Variants in TLN1 observed in about 807,000 individuals in gnomAD.
TLN1 encodes talin 1, also known as talin-1.
A neutral mutation model predicts 292.3 loss-of-function variants in TLN1; 56 were observed. That is an observed-to-expected ratio of 0.19 (90% CI 0.15 to 0.24). TLN1 has a LOEUF of 0.24. Among genes scored for constraint, TLN1 ranks in the 10% least tolerant of loss-of-function variants. The pLI is 1.00. For synonymous variants in TLN1, 1,119 were observed against 1,253.7 expected, an observed-to-expected ratio of 0.89 and a Z score of 2.27; for missense variants, 2,433 against 3,248.2, an observed-to-expected ratio of 0.75 and a Z score of 6.10.
At position 35,704,362 on chromosome 9, in the gene TLN1, C is replaced by T. The variant is rs759087292; in HGVS notation, c.6017G>A (p.Arg2006His). Residue 2006 changes from arginine to histidine, a missense_variant, in exon 45 of 57, where the codon CGT becomes CAT. By Grantham distance (29) the Arg-to-His change is conservative. This residue lies in a region of TLN1 where 1,384 missense variants were observed against 1,699.6 expected (regional missense o/e 0.81). Coordinates refer to ENST00000314888, the MANE Select transcript of TLN1 (RefSeq NM_006289.4). The surrounding 1 kb of genome is among the most constrained non-coding windows in gnomAD (Gnocchi z 6.9). ...GTCAGCGAAAGTTTCAGTACCCTCA[C>T]GATTGAGCGTGCCAGCAGTGGCGAA... ...IMFATAGTLN[R>H]EGTETFADHR... 9.3e-6 allele frequency: 15 copies of T among 1,614,054 alleles called. No individual in the cohort carries two copies. The highest frequency in any genetic ancestry group is 5.0e-5 in the Admixed American group (3 of 60,016).
rs747581885 is a variant in TLN1, at chr9:35,705,679, A to T, written c.5614-9T>A. The T allele has an allele frequency of 4.3e-6, 7 of 1,612,676 alleles. No individual in the cohort carries two copies. In the Admixed American group the frequency reaches 1.2e-4, roughly 27 times the overall value. Reference sequence around the variant, plus strand: ...GTGTTTGACTTGGTAACCTGGTGATAATGGAACGAGTGAAGTTATATCCAA... The same window carrying T: ...GTGTTTGACTTGGTAACCTGGTGATTATGGAACGAGTGAAGTTATATCCAA... On this transcript the variant is annotated splice_polypyrimidine_tract_variant and intron_variant, in intron 42 of 56. Transcript: ENST00000314888.
chr9:35,704,795 G>T lies in TLN1; in HGVS notation c.5754C>A (p.His1918Gln). The T allele has an allele frequency of 1.2e-6, 2 of 1,614,056 alleles. No individual in the cohort carries two copies. Among genetic ancestry groups the T allele is most frequent in the Admixed American group, 1.7e-5 (1 of 59,996 alleles). The change falls in exon 44 of 57, where the codon CAC (histidine) becomes CAA (glutamine). Residue 1918 changes from histidine (H) to glutamine (Q), a missense_variant. Coordinates refer to ENST00000314888, the MANE Select transcript of TLN1 (RefSeq NM_006289.4). This position sits in a 1 kb window ranked among gnomAD's most constrained non-coding sequence, Gnocchi z 6.9. ...ENEEIGSHIKHRVQELGHGCA... is the reference protein window; with the variant it reads ...ENEEIGSHIKQRVQELGHGCA... ...AGCCATGGCCCAGCTCCTGTACCCG[G>T]TGTTTGATATGGGAACCTATCTGTG...
rs571010586 is a variant in TLN1 at position 35,725,943 on chromosome 9, C to T, written c.-33-216G>A. ...AATTTTTTTTTTTGAGACAGAGTTT[C>T]GTTCTGTTGCCCAGGCTAGAGTACA... On this transcript the variant is annotated intron_variant, in intron 1 of 56. Coordinates refer to ENST00000314888, the MANE Select transcript of TLN1 (RefSeq NM_006289.4). Among the ~76,000 whole-genome samples, 6 of 151,996 alleles carry T rather than the reference C, an allele frequency of 3.9e-5. No individual in the cohort carries two copies. In the South Asian group the frequency reaches 8.3e-4, roughly 21 times the overall value.
chr9:35,715,247 CCTCT>C, intron 20 of TLN1, 60 bp from the exon 21 acceptor site: 1 of 1,588,224 alleles, frequency 6.3e-7, no homozygotes, highest in South Asian at 1.1e-5. Context: ...TAAAGAAGCT[CCTCT>C]CTCACTCCTC....
In TLN1 at chr9:35,714,742, T is replaced by A. The variant is rs749869775; in HGVS notation, c.2871+18A>T. ...CAAGTCTCCCTCTTCCACTCCCACA[T>A]CCTTCCTAGAGTCTTACCTTGCAGC... On this transcript the variant is annotated intron_variant, in intron 22 of 56. Coordinates refer to ENST00000314888, the MANE Select transcript of TLN1 (RefSeq NM_006289.4). This position sits in a 1 kb window ranked among gnomAD's most constrained non-coding sequence, Gnocchi z 4.6. The A allele has an allele frequency of 8.1e-6, 13 of 1,608,706 alleles. No homozygotes were observed. The Admixed American group carries it at 2.2e-4, about 27-fold the overall frequency.
Position 35,724,872 on chromosome 9 carries a change from T to TA in TLN1, c.315dup (p.Lys106Ter). On this transcript the variant is annotated frameshift_variant, in exon 4 of 57. Transcript: ENST00000314888. LOFTEE classifies it high-confidence loss of function. This position sits in a 1 kb window ranked among gnomAD's most constrained non-coding sequence, Gnocchi z 4.7. Reference sequence around the variant, plus strand: ...GTCATGAGCATGTCAGTGACAGTCTTAGAGTCATCCACCATGATCGTCTTC... The same window carrying TA: ...GTCATGAGCATGTCAGTGACAGTCTTAAGAGTCATCCACCATGATCGTCTTC... The TA allele has an allele frequency of 6.2e-7, 1 of 1,614,176 alleles. No individual in the cohort carries two copies. The highest frequency in any genetic ancestry group is 8.5e-7 in the Non-Finnish European group (1 of 1,180,022).
intron 17 of TLN1, 99 bp downstream of exon 17, chr9:35,718,713 T>C: frequency 1.0e-6 from 1 of 997,574 alleles, no homozygotes; most frequent in Non-Finnish European, 1.5e-6. Flanking sequence ...GATTGGTTTT[T>C]AGGGGTCAAT....
chr9:35,698,536 G>A lies in TLN1; in HGVS notation c.7189-31C>T. Reference sequence around the variant, plus strand: ...GCAGGGAGAGTTTGCTTAAAAATATGCCCCTTGCCCTGGTCCATCCCCACT... The same window carrying A: ...GCAGGGAGAGTTTGCTTAAAAATATACCCCTTGCCCTGGTCCATCCCCACT... On this transcript the variant is annotated intron_variant, in intron 54 of 56. Coordinates refer to ENST00000314888, the MANE Select transcript of TLN1 (RefSeq NM_006289.4). This position sits in a 1 kb window ranked among gnomAD's most constrained non-coding sequence, Gnocchi z 5.3. The A allele has an allele frequency of 1.9e-6, 3 of 1,613,314 alleles. No individual in the cohort carries two copies. The highest frequency in any genetic ancestry group is 2.5e-6 in the Non-Finnish European group (3 of 1,179,512).
chr9:35,699,552 CT>C lies in TLN1; in HGVS notation c.6769-92del, dbSNP rs1825427115. ...AGGGCAGACCATGGCCCCCTCACCC[CT>C]ATCCCTAGAGCACTCCACACCATAG... On this transcript the variant is annotated intron_variant, in intron 50 of 56. Transcript: ENST00000314888. This position sits in a 1 kb window ranked among gnomAD's most constrained non-coding sequence, Gnocchi z 4.0. The C allele has an allele frequency of 3.4e-6, 5 of 1,488,342 alleles. No homozygotes were observed. The highest frequency in any genetic ancestry group is 4.5e-6 in the Non-Finnish European group (5 of 1,115,872). 92.2% of individuals were successfully genotyped at this position (1,488,342 alleles called of 1,614,324 possible).
At chr9:35,713,446 G>A in intron 25 of TLN1, 148 bp from the exon 26 acceptor site, 1 of 597,278 alleles carries the variant, frequency 1.7e-6, no homozygotes, top group Non-Finnish European at 2.9e-6. Flanking sequence ...CACGTTGGGA[G>A]GCTGAGGCAG....
intron 48 of TLN1, among the ~76,000 whole-genome samples, chr9:35,702,736 C>T (rs1207943436): frequency 6.6e-6 from 1 of 152,008 alleles, no homozygotes; most frequent in African/African-American, 2.4e-5. Context: ...TGTGATCCAC[C>T]CGCCTCAGCC....
At position 35,717,345 on chromosome 9, in the gene TLN1, G is replaced by A. The variant is rs1825805282; in HGVS notation, c.2259C>T (p.Ala753=). 3.1e-6 allele frequency: 5 copies of A among 1,614,168 alleles called. No homozygotes were observed. In the East Asian group the frequency reaches 8.9e-5, roughly 29 times the overall value. Reference sequence around the variant, plus strand: ...GCCCATCCTCTGTAGCTGCCTGGGAGGCAGACACACAGCCCTCCACGGCTT... The same window carrying A: ...GCCCATCCTCTGTAGCTGCCTGGGAAGCAGACACACAGCCCTCCACGGCTT... ...VAKAVEGCVS[A]SQAATEDGQL... is the part of the protein sequence containing the mutation. Residue 753 remains alanine, a synonymous_variant, in exon 19 of 57, where the codon GCC becomes GCT. Transcript: ENST00000314888. The surrounding 1 kb of genome is among the most constrained non-coding windows in gnomAD (Gnocchi z 4.7).
rs1330781738 is a variant in TLN1 at position 35,711,311 on chromosome 9, G to A, written c.3963C>T (p.Ala1321=). ...TAGGGGCAGCAGGGTCCGTGGACAG[G>A]GCCTTGGCAGCCAGAAGAAGTTTGC... ...SSSKLLLAAK[A]LSTDPAAPNL... Residue 1321 remains alanine (A), a synonymous_variant, in exon 30 of 57, where the codon GCC becomes GCT. Transcript: ENST00000314888. 1 of 1,614,018 alleles carries A rather than the reference G, an allele frequency of 6.2e-7. No homozygotes were observed. Among genetic ancestry groups the A allele is most frequent in the Non-Finnish European group, 8.5e-7 (1 of 1,180,020 alleles).
At position 35,714,547 on chromosome 9, in the gene TLN1, C is replaced by T; in HGVS notation, c.2985+27G>A. The stretch of plus-strand genomic sequence containing the variant: ...GCTTAGAAAGGTGGGAAGGTCAGGT[C>T]AGAGAAGTGCAGAGGGGGTGCCTTG... On this transcript the variant is annotated intron_variant, in intron 23 of 56. Coordinates refer to ENST00000314888, the MANE Select transcript of TLN1 (RefSeq NM_006289.4). The surrounding 1 kb of genome is among the most constrained non-coding windows in gnomAD (Gnocchi z 4.6). 1 of 1,603,338 alleles carries T rather than the reference C, an allele frequency of 6.2e-7. No individual in the cohort carries two copies. Among genetic ancestry groups the T allele is most frequent in the Admixed American group, 1.7e-5 (1 of 59,980 alleles).
rs1389308761 is a variant in TLN1 at position 35,719,035 on chromosome 9, A to C, written c.1896+39T>G. ...GACTGCCCCTTCTCCTTGGGCTTGA[A>C]CCCTGTCTCCACCCTAACCCAAACC... On this transcript the variant is annotated intron_variant, in intron 16 of 56. Transcript: ENST00000314888. The surrounding 1 kb of genome is among the most constrained non-coding windows in gnomAD (Gnocchi z 4.6). 6.2e-7 allele frequency: 1 copy of C among 1,600,778 alleles called. No homozygotes were observed. The highest frequency in any genetic ancestry group is 2.2e-5 in the East Asian group (1 of 44,614).
chr9:35,721,860 T>C, intron 9 of TLN1, 57 bp from the exon 10 acceptor site: 1 of 1,589,746 alleles, frequency 6.3e-7, no homozygotes, highest in Non-Finnish European at 8.6e-7. Context: ...GAGAGGTGAA[T>C]GATCAGATCA....
At position 35,707,804 on chromosome 9, in the gene TLN1, G is replaced by A. The variant is rs751292021; in HGVS notation, c.4559C>T (p.Thr1520Ile). Residue 1520 changes from threonine (T) to isoleucine (I), a missense_variant, in exon 35 of 57, where the codon ACT becomes ATT. Around this residue, in one of 7 missense-constraint regions of TLN1, gnomAD observed 1,384 missense variants for 1,699.6 expected, o/e 0.81. Transcript: ENST00000314888. The surrounding 1 kb of genome is among the most constrained non-coding windows in gnomAD (Gnocchi z 5.6). ...TGACTGTACAAACTGGCGCTTGGCA[G>A]TAGGATTGGTGGTACGGGCAGAAGC... ...RLASARTTNP[T>I]AKRQFVQSAK... The A allele has an allele frequency of 5.6e-6, 9 of 1,614,126 alleles. No individual in the cohort carries two copies. Among genetic ancestry groups the A allele is most frequent in the African/African-American group, 1.3e-5 (1 of 74,940 alleles).
At position 35,707,677 on chromosome 9, in the gene TLN1, G is replaced by A. The variant is rs1226383912; in HGVS notation, c.4632+54C>T. On this transcript the variant is annotated intron_variant, in intron 35 of 56. Transcript: ENST00000314888. The surrounding 1 kb of genome is among the most constrained non-coding windows in gnomAD (Gnocchi z 5.6). ...GCTTCAGAGAATAACTGGGGGACTCGGGGGAGAAGATAGGACAGGTCAGGG... is the reference window on the plus strand; with the variant it reads ...GCTTCAGAGAATAACTGGGGGACTCAGGGGAGAAGATAGGACAGGTCAGGG... 1.2e-5 allele frequency: 19 copies of A among 1,609,274 alleles called. 1 individual carries two copies. The highest frequency in any genetic ancestry group is 1.7e-5 in the Admixed American group (1 of 59,906).
At position 35,705,857 on chromosome 9, in the gene TLN1, G is replaced by C. The variant is rs200354770; in HGVS notation, c.5512-6C>G. ...CCCATTGGTCCTTCATCTAGCTGAGGGGGGAGGATAGGGAAAGGGAAAGAC... is the reference window on the plus strand; with the variant it reads ...CCCATTGGTCCTTCATCTAGCTGAGCGGGGAGGATAGGGAAAGGGAAAGAC... On this transcript the variant is annotated splice_region_variant and splice_polypyrimidine_tract_variant and intron_variant, in intron 41 of 56. Coordinates refer to ENST00000314888, the MANE Select transcript of TLN1 (RefSeq NM_006289.4). 2.9e-5 allele frequency: 47 copies of C among 1,614,188 alleles called. No homozygotes were observed. The African/African-American group carries it at 3.5e-4, about 12-fold the overall frequency.
Sources: gnomAD v4.1 joint callset for allele counts (sites outside exome capture counted in the v4.1 genomes callset) on GRCh38, gnomAD v4.1.1 for gene constraint, gnomAD v4.1.1 regional missense constraint, Gnocchi (gnomAD v3.1) non-coding constraint, MANE v1.5 for transcripts, NCBI Gene and HGNC (gene_info 2026-07-23, HGNC 2026-07-21) for gene names.